Variants in MDGA2 observed in about 807,000 individuals in gnomAD.
MDGA2 encodes MAM domain containing glycosylphosphatidylinositol anchor 2, also known as MAM domain-containing glycosylphosphatidylinositol anchor protein 2.
Under a neutral mutation model 117.8 loss-of-function variants are expected in MDGA2, and 40 were observed. That is an observed-to-expected ratio of 0.34 (90% CI 0.26 to 0.44). MDGA2 has a LOEUF of 0.44. Ranked by LOEUF, MDGA2 falls within the 20% of genes least tolerant of loss-of-function variation. The probability of loss-of-function intolerance (pLI) is 1.00; values close to 1 mark genes in which losing one functional copy is unlikely to be tolerated. For synonymous variants in MDGA2, 452 were observed against 439.0 expected (o/e 1.03, Z -0.37); for missense variants, 1,123 against 1,250.6 (o/e 0.90, Z 1.54).
chr14:46,947,456 A>G (rs530006623), intron 9 of MDGA2, among the ~76,000 whole-genome samples: 1 of 152,150 alleles, frequency 6.6e-6, no homozygotes, highest in South Asian at 2.1e-4. Flanking sequence ...ATCACTCAGA[A>G]GTCTAGCCAA....
intron 1 of MDGA2, among the ~76,000 whole-genome samples, chr14:47,620,546 G>C (rs1219588035): frequency 2.0e-5 from 3 of 152,068 alleles, no homozygotes; most frequent in African/African-American, 7.2e-5. Context: ...CTGATGAGAG[G>C]GCAGGATAAC....
chr14:46,953,807 T>G (rs1040301173), intron 9 of MDGA2, among the ~76,000 whole-genome samples: 1 of 152,030 alleles, frequency 6.6e-6, no homozygotes, highest in Non-Finnish European at 1.5e-5. Context: ...GGAATATCAA[T>G]TAGAACAATT....
intron 3 of MDGA2, among the ~76,000 whole-genome samples, chr14:47,155,979 G>A (rs1040852367): frequency 8.2e-6 from 1 of 122,546 alleles, no homozygotes; most frequent in Admixed American, 1.1e-4. Flanking sequence ...GCGCGATCTC[G>A]GCTCACTGCA....
intron 2 of MDGA2, among the ~76,000 whole-genome samples, chr14:47,254,896 T>G (rs1887566211): frequency 6.6e-6 from 1 of 152,154 alleles, no homozygotes; most frequent in Non-Finnish European, 1.5e-5. Context: ...CTTCTTCACA[T>G]AGCAGCAGGA....
chr14:47,414,507 A>G (rs777484712), intron 1 of MDGA2, among the ~76,000 whole-genome samples: 1 of 152,186 alleles, frequency 6.6e-6, no homozygotes, highest in East Asian at 1.9e-4. Flanking sequence ...TCTAAAAATG[A>G]ATTTCTTGCG....
At chr14:46,887,338 T>C (rs962088783) in intron 10 of MDGA2, among the ~76,000 whole-genome samples, 1 of 151,978 alleles carries the variant, frequency 6.6e-6, no homozygotes, top group East Asian at 1.9e-4. Flanking sequence ...CTCTTTTAAG[T>C]GGCAGCTTCA....
chr14:47,333,605 A>T (rs1890354550), intron 1 of MDGA2, among the ~76,000 whole-genome samples: 1 of 151,834 alleles, frequency 6.6e-6, no homozygotes, highest in Non-Finnish European at 1.5e-5. Flanking sequence ...ATAATTTTTA[A>T]AGTTATAAAT....
intron 2 of MDGA2, among the ~76,000 whole-genome samples, chr14:47,233,685 G>C (rs2139579236): frequency 6.6e-6 from 1 of 152,106 alleles, no homozygotes; most frequent in Middle Eastern, 3.4e-3. Context: ...GCAAAGGGCG[G>C]GAAAACAACA....
chr14:47,338,016 G>C (rs192169260), intron 1 of MDGA2, among the ~76,000 whole-genome samples: 100 of 152,086 alleles, frequency 6.6e-4, no homozygotes, highest in Middle Eastern at 6.8e-3. Context: ...TTTTCCCTTT[G>C]AGAGTTTTTA....
chr14:46,971,199 A>C (rs1390851402), intron 8 of MDGA2, among the ~76,000 whole-genome samples: 5 of 152,092 alleles, frequency 3.3e-5, no homozygotes, highest in Non-Finnish European at 7.4e-5. Flanking sequence ...CAATCTACCA[A>C]TTCCACTGGA....
At chr14:47,359,172 G>A (rs138487724) in intron 1 of MDGA2, among the ~76,000 whole-genome samples, 1 of 152,206 alleles carries the variant, frequency 6.6e-6, no homozygotes, top group Non-Finnish European at 1.5e-5. Context: ...TAGCCAACAC[G>A]GTGAAACCCT....
chr14:47,134,742 A>G (rs1332699616), intron 4 of MDGA2, among the ~76,000 whole-genome samples: 1 of 151,186 alleles, frequency 6.6e-6, no homozygotes, highest in Non-Finnish European at 1.5e-5. Context: ...ACATGCAATT[A>G]CATATTTATG....
intron 8 of MDGA2, among the ~76,000 whole-genome samples, chr14:46,994,971 C>T (rs898181382): frequency 6.6e-6 from 1 of 152,044 alleles, no homozygotes; most frequent in Non-Finnish European, 1.5e-5. Flanking sequence ...CTTGTGGATA[C>T]ACCCATATTG....
intron 12 of MDGA2, among the ~76,000 whole-genome samples, chr14:46,876,873 T>C (rs1242202522): frequency 6.6e-6 from 1 of 151,640 alleles, no homozygotes; most frequent in Non-Finnish European, 1.5e-5. Context: ...TTTAATATTA[T>C]TTTCCAGGGA....
At chr14:46,936,105 G>T (rs534126100) in intron 9 of MDGA2, among the ~76,000 whole-genome samples, 1 of 151,904 alleles carries the variant, frequency 6.6e-6, no homozygotes, top group Non-Finnish European at 1.5e-5. Flanking sequence ...ATTTTTTAAT[G>T]AAGGAAGTGG....
At chr14:47,074,932 T>C (rs1890436090) in intron 6 of MDGA2, among the ~76,000 whole-genome samples, 1 of 152,232 alleles carries the variant, frequency 6.6e-6, no homozygotes, top group Non-Finnish European at 1.5e-5. Flanking sequence ...CTTCAATCAA[T>C]GTTCCTCAAT....
intron 8 of MDGA2, among the ~76,000 whole-genome samples, chr14:47,010,365 AT>A (rs1157848354): frequency 4.6e-5 from 7 of 152,032 alleles, no homozygotes; most frequent in South Asian, 2.1e-4. Flanking sequence ...ATATAAAAAA[AT>A]AACATAAAAT....
intron 14 of MDGA2, among the ~76,000 whole-genome samples, chr14:46,861,894 C>G (rs1002074703): frequency 4.6e-5 from 7 of 151,728 alleles, no homozygotes; most frequent in Non-Finnish European, 8.8e-5. Context: ...TCTTGGTCAA[C>G]AAAATTAGAA....
At chr14:47,600,267 C>A (rs1285500102) in intron 1 of MDGA2, among the ~76,000 whole-genome samples, 1 of 151,608 alleles carries the variant, frequency 6.6e-6, no homozygotes, top group Non-Finnish European at 1.5e-5. Flanking sequence ...TGTATTTTTT[C>A]GTATTTTGTA....
Sources: gnomAD v4.1 joint callset for allele counts (sites outside exome capture counted in the v4.1 genomes callset) on GRCh38, gnomAD v4.1.1 for gene constraint, MANE v1.5 for transcripts, NCBI Gene and HGNC (gene_info 2026-07-23, HGNC 2026-07-21) for gene names.